PACSIN1: variants seen among roughly 807,000 people sequenced by gnomAD.
PACSIN1 encodes protein kinase C and casein kinase substrate in neurons protein 1.
A neutral mutation model predicts 59.5 loss-of-function variants in PACSIN1; 15 were observed. The ratio of observed to expected loss-of-function variants is 0.25; its 90% confidence interval spans 0.17 to 0.39. The LOEUF (loss-of-function observed/expected upper bound fraction) is 0.39, where lower values mean the gene tolerates loss of function less well. PACSIN1 is among the 10% of genes least tolerant of loss of function. PACSIN1 has a pLI of 1.00. For missense variants in PACSIN1, 420 were observed against 580.2 expected (o/e 0.72, Z 2.84); for synonymous variants, 210 against 220.6 (o/e 0.95, Z 0.42).
intron 1 of PACSIN1, among the ~76,000 whole-genome samples, chr6:34,504,246 A>ATG (rs372732742): frequency 0.045 from 4,884 of 107,704 alleles, 161 homozygotes; most frequent in Admixed American, 0.078. Flanking sequence ...AGACAATGTT[A>ATG]TGTGTGTGTG....
rs1034855010 is a variant in PACSIN1 at position 34,481,486 on chromosome 6, C to T, written c.-64+15216C>T. On this transcript the variant is annotated intron_variant, in intron 1 of 9. Coordinates refer to ENST00000244458, the MANE Select transcript of PACSIN1 (RefSeq NM_020804.5). Reference sequence around the variant, plus strand: ...TCACGAGGTCAGGAGATTGAGACAACAATGAAACCCATCTCTACTAAAAAT... The same window carrying T: ...TCACGAGGTCAGGAGATTGAGACAATAATGAAACCCATCTCTACTAAAAAT... Among the ~76,000 whole-genome samples, 43 of 151,640 alleles carry T rather than the reference C, an allele frequency of 2.8e-4. 1 individual carries two copies. The highest frequency in any genetic ancestry group is 2.4e-4 in the African/African-American group (10 of 41,470).
chr6:34,486,221 A>T (rs896731944), intron 1 of PACSIN1, among the ~76,000 whole-genome samples: 8 of 150,630 alleles, frequency 5.3e-5, no homozygotes, highest in African/African-American at 2.0e-4. Flanking sequence ...GGGTGGGGTG[A>T]GGTGGGTTTG....
intron 2 of PACSIN1, 127 bp from the exon 3 acceptor site, chr6:34,527,205 C>T (rs1049092450): frequency 1.2e-6 from 1 of 807,836 alleles, no homozygotes; most frequent in African/African-American, 5.9e-5. Flanking sequence ...GGGGCGGGGG[C>T]GGGGACGGCG....
chr6:34,504,703 C>A (rs1410852461), intron 1 of PACSIN1, among the ~76,000 whole-genome samples: 1 of 152,178 alleles, frequency 6.6e-6, no homozygotes, highest in Non-Finnish European at 1.5e-5. Context: ...TTCCTCCTCC[C>A]CAGTGTTCCA....
chr6:34,495,643 G>A (rs568873271), intron 1 of PACSIN1, among the ~76,000 whole-genome samples: 12 of 152,218 alleles, frequency 7.9e-5, no homozygotes, highest in Middle Eastern at 3.4e-3. Flanking sequence ...AGTAGAGACA[G>A]GGTTTCACCC....
chr6:34,516,462 A>G lies in PACSIN1; in HGVS notation c.-63-9781A>G, dbSNP rs995907757. Among the ~76,000 whole-genome samples, 2 of 151,474 alleles carry G rather than the reference A, an allele frequency of 1.3e-5. No individual in the cohort carries two copies. Among genetic ancestry groups the G allele is most frequent in the Non-Finnish European group, 2.9e-5 (2 of 67,812 alleles). The stretch of plus-strand genomic sequence containing the variant: ...CTGCCCCTGCTCCTCCGAACCCCGC[A>G]CTCTCCTCCTTCCTGACCAGGGTGG... On this transcript the variant is annotated intron_variant, in intron 1 of 9. Transcript: ENST00000244458. This position sits in a 1 kb window ranked among gnomAD's most constrained non-coding sequence, Gnocchi z 5.4.
intron 1 of PACSIN1, among the ~76,000 whole-genome samples, chr6:34,476,062 C>T (rs1308022373): frequency 1.3e-5 from 2 of 152,146 alleles, no homozygotes; most frequent in African/African-American, 4.8e-5. Context: ...CTGAACTAGG[C>T]ACCAGGCCAT....
intron 2 of PACSIN1, 79 bp downstream of exon 2, chr6:34,526,447 C>T: frequency 8.2e-7 from 1 of 1,218,772 alleles, no homozygotes; most frequent in Non-Finnish European, 1.2e-6. Context: ...TCACTCACCC[C>T]ATGACCTCAG....
chr6:34,499,062 A>G (rs1387836059), intron 1 of PACSIN1, among the ~76,000 whole-genome samples: 1 of 152,134 alleles, frequency 6.6e-6, no homozygotes, highest in Non-Finnish European at 1.5e-5. Flanking sequence ...TATAATATAT[A>G]ATGAAATAAT....
intron 1 of PACSIN1, among the ~76,000 whole-genome samples, chr6:34,519,422 G>C (rs576868380): frequency 6.6e-6 from 1 of 152,164 alleles, no homozygotes; most frequent in African/African-American, 2.4e-5. Context: ...AGGTCCAGGG[G>C]ACTGGTTTTC....
intron 1 of PACSIN1, among the ~76,000 whole-genome samples, chr6:34,477,303 CA>C (rs1766651679): frequency 6.9e-6 from 1 of 145,246 alleles, no homozygotes; most frequent in Admixed American, 6.9e-5. Flanking sequence ...CCAACCTGGG[CA>C]ACATAGGGAG....
chr6:34,479,471 G>T (rs1039475553), intron 1 of PACSIN1, among the ~76,000 whole-genome samples: 2 of 152,124 alleles, frequency 1.3e-5, no homozygotes, highest in South Asian at 4.2e-4. Context: ...TTGAGACAGG[G>T]TCTTGCTCAG....
intron 1 of PACSIN1, among the ~76,000 whole-genome samples, chr6:34,520,737 G>A (rs980375883): frequency 5.9e-5 from 9 of 152,158 alleles, no homozygotes; most frequent in African/African-American, 2.2e-4. Context: ...CTGAGGGCAG[G>A]ATGGTCCTGG....
chr6:34,484,529 T>C (rs1052804338), intron 1 of PACSIN1, among the ~76,000 whole-genome samples: 1 of 152,148 alleles, frequency 6.6e-6, no homozygotes, highest in Admixed American at 6.5e-5. Context: ...TGATGGTAGA[T>C]ACATGTCATC....
chr6:34,481,857 A>G (rs1407826765), intron 1 of PACSIN1, among the ~76,000 whole-genome samples: 2 of 152,156 alleles, frequency 1.3e-5, no homozygotes, highest in East Asian at 3.9e-4. Flanking sequence ...AGTGGCTTTT[A>G]GTATATTTAC....
intron 1 of PACSIN1, among the ~76,000 whole-genome samples, chr6:34,503,275 A>AAAAAGAAAAAG (rs374284182): frequency 1.3e-5 from 2 of 148,324 alleles, no homozygotes; most frequent in Non-Finnish European, 3.0e-5. Flanking sequence ...TCAAAAAAAA[A>AAAAAGAAAAAG]AAAAAGAAAA....
chr6:34,473,559 G>C (rs1033494888), intron 1 of PACSIN1, among the ~76,000 whole-genome samples: 1 of 152,048 alleles, frequency 6.6e-6, no homozygotes, highest in Non-Finnish European at 1.5e-5. Flanking sequence ...GTCTAGCCTT[G>C]ACCAGCCACT....
At chr6:34,479,285 AC>A (rs909579292) in intron 1 of PACSIN1, among the ~76,000 whole-genome samples, 24 of 151,662 alleles carry the variant, frequency 1.6e-4, no homozygotes, top group Non-Finnish European at 2.9e-4. Flanking sequence ...GCACCAAAGG[AC>A]CCCCTCAGAC....
chr6:34,512,731 T>C (rs927403084), intron 1 of PACSIN1, among the ~76,000 whole-genome samples: 1 of 152,268 alleles, frequency 6.6e-6, no homozygotes, highest in Non-Finnish European at 1.5e-5. Flanking sequence ...GATCTCATCC[T>C]GCCTTTGATC....
Sources: gnomAD v4.1 joint callset for allele counts (sites outside exome capture counted in the v4.1 genomes callset) on GRCh38, gnomAD v4.1.1 for gene constraint, Gnocchi (gnomAD v3.1) non-coding constraint, MANE v1.5 for transcripts, NCBI Gene and HGNC (gene_info 2026-07-23, HGNC 2026-07-21) for gene names.